SDCBP2: variants seen among roughly 807,000 people sequenced by gnomAD.
SDCBP2 encodes the protein syntenin-2.
A neutral mutation model predicts 30.7 loss-of-function variants in SDCBP2; 28 were observed. The ratio of observed to expected loss-of-function variants is 0.91; its 90% CI spans 0.68 to 1.25. The LOEUF (loss-of-function observed/expected upper bound fraction) is 1.25. Ranked by LOEUF, SDCBP2 falls within the 50% of genes most tolerant of loss-of-function variation. SDCBP2 has a pLI of 0.00. For missense variants in SDCBP2, 399 were observed against 379.0 expected, an observed-to-expected ratio of 1.05 and a Z score of -0.44; for synonymous variants, 166 against 157.3, an observed-to-expected ratio of 1.06 and a Z score of -0.41.
At position 1,313,389 on chromosome 20, in the gene SDCBP2, C is replaced by A. The variant is rs1380308131; in HGVS notation, c.335G>T (p.Cys112Phe). 6.2e-7 allele frequency: 1 copy of A among 1,611,086 alleles called. No individual in the cohort carries two copies. The highest frequency in any genetic ancestry group is 2.2e-5 in the East Asian group (1 of 44,824). Residue 112 changes from cysteine (C) to phenylalanine (F), a missense_variant, in exon 5 of 9, where the codon TGC becomes TTC. Physicochemically the swap from Cys to Phe is radical, Grantham distance 205. Transcript: ENST00000360779. The surrounding 1 kb of genome is among the most constrained non-coding windows in gnomAD (Gnocchi z 5.2). ...CCCGGTCTTGCCGCGCTCGTCCTTG[C>A]ACAGGTGGATCTCGCGCACCCCGGG... is the stretch of plus-strand genomic sequence containing the variant. ...IKPGVREIHL[C>F]KDERGKTGLR... is the part of the protein sequence containing the mutation.
intron 7 of SDCBP2, among the ~76,000 whole-genome samples, chr20:1,311,357 G>A (rs1219221031): frequency 6.6e-6 from 1 of 151,976 alleles, no homozygotes. Context: ...GGGCCATAAG[G>A]ATCCTCCTCC....
At chr20:1,318,137 C>A (rs577958613) in intron 4 of SDCBP2, 181 bp downstream of exon 4, 3 of 640,296 alleles carry the variant, frequency 4.7e-6, no homozygotes, top group Non-Finnish European at 8.7e-6. Flanking sequence ...CATGAAAGCC[C>A]ACAGTGGTTT....
At chr20:1,311,303 G>T (rs1275114761) in intron 7 of SDCBP2, among the ~76,000 whole-genome samples, 2 of 152,140 alleles carry the variant, frequency 1.3e-5, no homozygotes, top group Non-Finnish European at 2.9e-5. Flanking sequence ...TCCTGTGGGA[G>T]GTACTAGGCG....
chr20:1,317,205 T>C (rs560510716), intron 4 of SDCBP2, among the ~76,000 whole-genome samples: 1 of 152,200 alleles, frequency 6.6e-6, no homozygotes, highest in Admixed American at 6.5e-5. Flanking sequence ...ACTGATGAAA[T>C]GACATAGAAC....
At chr20:1,327,192 GC>G (rs1224802559) in intron 1 of SDCBP2, among the ~76,000 whole-genome samples, 2 of 152,148 alleles carry the variant, frequency 1.3e-5, no homozygotes, top group African/African-American at 4.8e-5. Context: ...CCATCCCTGA[GC>G]TTCTGTACTT....
chr20:1,311,174 C>A, intron 7 of SDCBP2: 1 of 371,728 alleles, frequency 2.7e-6, no homozygotes, highest in Non-Finnish European at 4.9e-6. Flanking sequence ...GCGGTGTGAG[C>A]CTGACGCGTA....
At position 1,310,262 on chromosome 20, in the gene SDCBP2, G is replaced by A; in HGVS notation, c.*179C>T. 1 of 551,530 alleles carries A rather than the reference G, an allele frequency of 1.8e-6. No homozygotes were observed. Among genetic ancestry groups the A allele is most frequent in the South Asian group, 2.6e-5 (1 of 38,842 alleles). 34.2% of individuals were successfully genotyped at this position (551,530 alleles called of 1,614,324 possible). On this transcript the variant is annotated 3_prime_UTR_variant, in exon 9 of 9. Transcript: ENST00000360779. Reference sequence around the variant, plus strand: ...TGAGCCTCAGCCTAGCTTGGAGTCTGAGGCTCCAAGGAGGCCTGTGTGTAT... The same window carrying A: ...TGAGCCTCAGCCTAGCTTGGAGTCTAAGGCTCCAAGGAGGCCTGTGTGTAT...
At position 1,310,338 on chromosome 20, in the gene SDCBP2, C is replaced by A. The variant is rs1358405346; in HGVS notation, c.*103G>T. On this transcript the variant is annotated 3_prime_UTR_variant, in exon 9 of 9. Coordinates refer to ENST00000360779, the MANE Select transcript of SDCBP2 (RefSeq NM_080489.5). ...GACACGCCCCCCTCATGGCAGCCCC[C>A]ACCTTAAGCAGCAGGCCGGCTGCAA... is the stretch of plus-strand genomic sequence containing the variant. 2 of 1,227,782 alleles carry A rather than the reference C, an allele frequency of 1.6e-6. No individual in the cohort carries two copies. The highest frequency in any genetic ancestry group is 2.3e-5 in the East Asian group (1 of 42,634). 76.1% of individuals were successfully genotyped at this position (1,227,782 alleles called of 1,614,324 possible).
Position 1,313,584 on chromosome 20 carries a change from A to G in SDCBP2, c.226-86T>C. The G allele has an allele frequency of 6.9e-7, 1 of 1,455,572 alleles. No individual in the cohort carries two copies. The allele number at this position is 1,455,572 out of a possible 1,614,324, so 90.2% of individuals were successfully genotyped here. A position where few individuals can be genotyped will look rare whatever the true frequency, so the allele number is the denominator to read the frequency against. ...CACTGGGGTGGGGGTAGGGATGGGG[A>G]AAGGAGGATGGAGCCGTCCCCGGGT... On this transcript the variant is annotated intron_variant, in intron 4 of 8. Coordinates refer to ENST00000360779, the MANE Select transcript of SDCBP2 (RefSeq NM_080489.5). The surrounding 1 kb of genome is among the most constrained non-coding windows in gnomAD (Gnocchi z 5.2).
rs1470695898 is a variant in SDCBP2 at position 1,313,530 on chromosome 20, G to A, written c.226-32C>T. The A allele has an allele frequency of 6.5e-7, 1 of 1,544,250 alleles. No homozygotes were observed. Among genetic ancestry groups the A allele is most frequent in the South Asian group, 1.2e-5 (1 of 83,866 alleles). On this transcript the variant is annotated intron_variant, in intron 4 of 8. Coordinates refer to ENST00000360779, the MANE Select transcript of SDCBP2 (RefSeq NM_080489.5). The surrounding 1 kb of genome is among the most constrained non-coding windows in gnomAD (Gnocchi z 5.2). ...ACACCAGGGGGCAGGGGGTCAGCCCGGCCCGTGGGGACCCTGTGCCTCAGG... is the reference window on the plus strand; with the variant it reads ...ACACCAGGGGGCAGGGGGTCAGCCCAGCCCGTGGGGACCCTGTGCCTCAGG...
chr20:1,312,983 G>A, intron 5 of SDCBP2: 2 of 605,438 alleles, frequency 3.3e-6, no homozygotes, highest in Non-Finnish European at 5.8e-6. Flanking sequence ...CCTGGCCTGG[G>A]GCTGCACTCC....
Position 1,313,378 on chromosome 20 carries a change from G to T in SDCBP2, c.346C>A (p.Arg116Ser), listed in dbSNP as rs754432555. The T allele has an allele frequency of 6.2e-7, 1 of 1,611,216 alleles. No individual in the cohort carries two copies. Among genetic ancestry groups the T allele is most frequent in the Non-Finnish European group, 8.5e-7 (1 of 1,179,492 alleles). Residue 116 changes from arginine to serine, a missense_variant, in exon 5 of 9, where the codon CGC (arginine) becomes AGC (serine). Physicochemically the swap from Arg to Ser is moderately radical, Grantham distance 110. Transcript: ENST00000360779. This position sits in a 1 kb window ranked among gnomAD's most constrained non-coding sequence, Gnocchi z 5.2. ...VREIHLCKDE[R>S]GKTGLRLRKV... The stretch of plus-strand genomic sequence containing the variant: ...CGCAGCCTCAGCCCGGTCTTGCCGC[G>T]CTCGTCCTTGCACAGGTGGATCTCG...
chr20:1,320,455 G>A lies in SDCBP2; in HGVS notation c.-19-20C>T, dbSNP rs374632832. 7 of 1,594,788 alleles carry A rather than the reference G, an allele frequency of 4.4e-6. No homozygotes were observed. The highest frequency in any genetic ancestry group is 6.0e-6 in the Non-Finnish European group (7 of 1,166,700). ...AACACCCTGCAGAGTGCAGAGGGTG[G>A]GGAAGGATAAGGATGCAGCTGATGC... On this transcript the variant is annotated intron_variant, in intron 1 of 8. Coordinates refer to ENST00000360779, the MANE Select transcript of SDCBP2 (RefSeq NM_080489.5). This position sits in a 1 kb window ranked among gnomAD's most constrained non-coding sequence, Gnocchi z 4.7.
At chr20:1,328,903 AG>A (rs1268883991) in intron 1 of SDCBP2, among the ~76,000 whole-genome samples, 181 bp downstream of exon 1, 2 of 152,104 alleles carry the variant, frequency 1.3e-5, no homozygotes, top group African/African-American at 2.4e-5. Context: ...AACTTGGTCC[AG>A]GGCTGGGATC....
chr20:1,318,097 AT>A (rs1326653296), intron 4 of SDCBP2: 6 of 584,392 alleles, frequency 1.0e-5, no homozygotes, highest in Admixed American at 6.5e-5. Flanking sequence ...CTGGTTCTCC[AT>A]CCCCAAGGCT....
chr20:1,328,805 C>T (rs1224168931), intron 1 of SDCBP2, among the ~76,000 whole-genome samples: 5 of 151,892 alleles, frequency 3.3e-5, no homozygotes, highest in Non-Finnish European at 7.4e-5. Flanking sequence ...GTGTGGATCT[C>T]ATCTCCTTGA....
intron 1 of SDCBP2, chr20:1,322,718 A>G (rs2088864715): frequency 6.6e-6 from 1 of 152,170 alleles, no homozygotes; most frequent in Non-Finnish European, 1.5e-5. Context: ...ACATAGGTGC[A>G]TGCCGCCACA....
At chr20:1,328,844 G>A (rs144128054) in intron 1 of SDCBP2, among the ~76,000 whole-genome samples, 3 of 152,056 alleles carry the variant, frequency 2.0e-5, no homozygotes, top group Non-Finnish European at 2.9e-5. Context: ...AGAAGGCATC[G>A]GGGGCCCTCA....
In SDCBP2 at chr20:1,313,325, G is replaced by C. The variant is rs1568559352; in HGVS notation, c.384+15C>G. 1.2e-6 allele frequency: 2 copies of C among 1,608,580 alleles called. No individual in the cohort carries two copies. Among genetic ancestry groups the C allele is most frequent in the Non-Finnish European group, 1.7e-6 (2 of 1,178,718 alleles). On this transcript the variant is annotated intron_variant, in intron 5 of 8. Transcript: ENST00000360779. The surrounding 1 kb of genome is among the most constrained non-coding windows in gnomAD (Gnocchi z 5.2). ...CAGCTCGAGCTCCTCTTCCCACCCAGCCCCCGCGCCCTACCTGGTCGACCT... is the reference window on the plus strand; with the variant it reads ...CAGCTCGAGCTCCTCTTCCCACCCACCCCCCGCGCCCTACCTGGTCGACCT...
Sources: allele counts gnomAD v4.1 joint callset (sites outside exome capture counted in the v4.1 genomes callset), GRCh38; gene constraint gnomAD v4.1.1; non-coding constraint Gnocchi (gnomAD v3.1); transcripts MANE v1.5; gene names NCBI Gene and HGNC (gene_info 2026-07-23, HGNC 2026-07-21).